The following XPR1 variants were observed in gnomAD, a reference collection of about 807,000 sequenced individuals.
The protein encoded by XPR1 is solute carrier family 53 member 1.
Under a neutral mutation model 87.5 loss-of-function variants are expected in XPR1, and 28 were observed. The ratio of observed to expected loss-of-function variants is 0.32; its 90% CI spans 0.24 to 0.44. The LOEUF (loss-of-function observed/expected upper bound fraction) is 0.44. XPR1 is among the 20% of genes least tolerant of loss of function. The probability of loss-of-function intolerance (pLI) is 1.00; values close to 1 mark genes in which losing one functional copy is unlikely to be tolerated. For missense variants in XPR1, 559 were observed against 862.3 expected (o/e 0.65, Z 4.41); for synonymous variants, 300 against 306.1 (o/e 0.98, Z 0.21).
At chr1:180,699,209 C>CTTTT (rs1168669274) in intron 2 of XPR1, among the ~76,000 whole-genome samples, 38 of 132,524 alleles carry the variant, frequency 2.9e-4, no homozygotes, top group Admixed American at 4.5e-4. Context: ...TTTATTCTTT[C>CTTTT]TTTTTTTTTT....
chr1:180,758,952 A>G (rs2102048500), intron 2 of XPR1: 1 of 152,444 alleles, frequency 6.6e-6, no homozygotes, highest in East Asian at 1.9e-4. Flanking sequence ...AGAACTCAGG[A>G]CTAAGAAACT....
At position 180,887,470 on chromosome 1, in the gene XPR1, C is replaced by T. The variant is rs193207717; in HGVS notation, c.*3404C>T. On this transcript the variant is annotated 3_prime_UTR_variant, in exon 15 of 15. Coordinates refer to ENST00000367590, the MANE Select transcript of XPR1 (RefSeq NM_004736.4). ...AATGAGTGCCTATATTTAAGGCTGC[C>T]TATACCATTACAGTGGCGTAATTGG... The T allele has an allele frequency of 6.6e-6, 1 of 152,166 alleles. No homozygotes were observed. Among genetic ancestry groups the T allele is most frequent in the Non-Finnish European group, 1.5e-5 (1 of 68,040 alleles). The allele number at this position is 152,166 out of a possible 1,614,324, so 9.4% of individuals were successfully genotyped here. A position where few individuals can be genotyped will look rare whatever the true frequency, so the allele number is the denominator to read the frequency against.
At chr1:180,812,449 A>AT (rs1380016781) in intron 7 of XPR1, among the ~76,000 whole-genome samples, 3 of 152,114 alleles carry the variant, frequency 2.0e-5, no homozygotes, top group African/African-American at 7.2e-5. Flanking sequence ...AGATACCTTG[A>AT]TTTTTACCCC....
intron 12 of XPR1, among the ~76,000 whole-genome samples, chr1:180,873,061 CT>C (rs1652555384): frequency 6.6e-6 from 1 of 151,622 alleles, no homozygotes; most frequent in Admixed American, 6.6e-5. Flanking sequence ...AGTAGTTCCC[CT>C]TCCCAAAAAT....
At chr1:180,701,913 G>A in intron 2 of XPR1, among the ~76,000 whole-genome samples, 1 of 120,084 alleles carries the variant, frequency 8.3e-6, no homozygotes, top group African/African-American at 3.9e-5. Flanking sequence ...ATTTTTTGAA[G>A]GGTTTTTTGT....
intron 2 of XPR1, among the ~76,000 whole-genome samples, chr1:180,738,168 C>T (rs562927755): frequency 1.3e-4 from 20 of 152,150 alleles, no homozygotes; most frequent in African/African-American, 4.3e-4. Flanking sequence ...TGCGCCACCA[C>T]GCCCAACTAA....
At chr1:180,770,376 C>T (rs770206505) in intron 2 of XPR1, among the ~76,000 whole-genome samples, 1 of 152,076 alleles carries the variant, frequency 6.6e-6, no homozygotes, top group Non-Finnish European at 1.5e-5. Flanking sequence ...CATGCCATTT[C>T]CTTGATTTGT....
Position 180,821,940 on chromosome 1 carries a change from G to A in XPR1, c.764-2813G>A, listed in dbSNP as rs1650641937. The stretch of plus-strand genomic sequence containing the variant: ...AGTAGTTTTATTGTGGATTCTTTGG[G>A]ATTTGTGTTATTTTTGTTTCCTGAC... On this transcript the variant is annotated intron_variant, in intron 7 of 14. Coordinates refer to ENST00000367590, the MANE Select transcript of XPR1 (RefSeq NM_004736.4). Among the ~76,000 whole-genome samples, 2 of 152,126 alleles carry A rather than the reference G, an allele frequency of 1.3e-5. 1 individual carries two copies. The highest frequency in any genetic ancestry group is 4.1e-4 in the South Asian group (2 of 4,820).
At chr1:180,634,091 G>A (rs1054733603) in intron 1 of XPR1, among the ~76,000 whole-genome samples, 2 of 152,172 alleles carry the variant, frequency 1.3e-5, no homozygotes, top group African/African-American at 2.4e-5. Flanking sequence ...TCAGTTTTGT[G>A]GCTGGAGAAC....
At chr1:180,842,353 C>A (rs1160821197) in intron 11 of XPR1, among the ~76,000 whole-genome samples, 2 of 151,994 alleles carry the variant, frequency 1.3e-5, no homozygotes, top group African/African-American at 4.8e-5. Flanking sequence ...AACCGTGTGT[C>A]TAGAATCATT....
rs1476482508 is a variant in XPR1, at chr1:180,632,063, A to G, written c.-139A>G. On this transcript the variant is annotated 5_prime_UTR_variant, in exon 1 of 15. Coordinates refer to ENST00000367590, the MANE Select transcript of XPR1 (RefSeq NM_004736.4). The stretch of plus-strand genomic sequence containing the variant: ...AGATGGCGGGCGGGCTGCTCTGAAG[A>G]GACCTCGGCGGCGGCGGAGGAGGAG... 1.0e-6 allele frequency: 1 copy of G among 962,196 alleles called. No homozygotes were observed. Among genetic ancestry groups the G allele is most frequent in the African/African-American group, 1.6e-5 (1 of 61,596 alleles). The allele number at this position is 962,196 out of a possible 1,614,324, so 59.6% of individuals were successfully genotyped here. A position where few individuals can be genotyped will look rare whatever the true frequency, so the allele number is the denominator to read the frequency against.
chr1:180,833,355 A>G (rs989537989), intron 9 of XPR1, among the ~76,000 whole-genome samples: 2 of 152,250 alleles, frequency 1.3e-5, no homozygotes, highest in Admixed American at 6.5e-5. Context: ...AACAGGCTAA[A>G]TGCCCTAATT....
intron 7 of XPR1, among the ~76,000 whole-genome samples, chr1:180,823,882 C>T (rs1203359438): frequency 6.6e-6 from 1 of 152,146 alleles, no homozygotes; most frequent in Non-Finnish European, 1.5e-5. Flanking sequence ...AAATGAATTA[C>T]CAATTATTCT....
At chr1:180,761,816 G>C (rs1418943690) in intron 2 of XPR1, among the ~76,000 whole-genome samples, 2 of 152,110 alleles carry the variant, frequency 1.3e-5, no homozygotes, top group African/African-American at 4.8e-5. Context: ...AAAGACACAT[G>C]CACACGTATG....
chr1:180,766,775 G>A (rs1456155390), intron 2 of XPR1, among the ~76,000 whole-genome samples: 1 of 152,048 alleles, frequency 6.6e-6, no homozygotes, highest in East Asian at 1.9e-4. Context: ...CCCTAACTTA[G>A]CATCTATTTT....
At chr1:180,724,285 T>A (rs1046702617) in intron 2 of XPR1, among the ~76,000 whole-genome samples, 3 of 152,126 alleles carry the variant, frequency 2.0e-5, no homozygotes, top group Non-Finnish European at 4.4e-5. Flanking sequence ...ACTTACCCAT[T>A]AAGCACAGTA....
At chr1:180,679,636 T>C (rs1182875473) in intron 1 of XPR1, among the ~76,000 whole-genome samples, 3 of 152,198 alleles carry the variant, frequency 2.0e-5, no homozygotes, top group South Asian at 2.1e-4. Flanking sequence ...CAATGACTTA[T>C]TGAGAGATTA....
intron 2 of XPR1, among the ~76,000 whole-genome samples, chr1:180,725,872 C>CT (rs1269151769): frequency 6.6e-6 from 1 of 152,220 alleles, no homozygotes; most frequent in African/African-American, 2.4e-5. Flanking sequence ...GTTTTGTACT[C>CT]TTTGAACCTT....
intron 1 of XPR1, among the ~76,000 whole-genome samples, chr1:180,680,382 T>TTG (rs1656531371): frequency 7.1e-6 from 1 of 141,244 alleles, no homozygotes; most frequent in African/African-American, 2.7e-5. Flanking sequence ...TTTTTTTTTT[T>TTG]GTGAGGTGGA....
Sources: gnomAD v4.1 joint callset for allele counts (sites outside exome capture counted in the v4.1 genomes callset) on GRCh38, gnomAD v4.1.1 for gene constraint, MANE v1.5 for transcripts, NCBI Gene and HGNC (gene_info 2026-07-23, HGNC 2026-07-21) for gene names.